TMC6: variants seen among roughly 807,000 people sequenced by gnomAD.
TMC6 encodes the protein transmembrane channel like 6, also known as transmembrane channel-like protein 6.
TMC6 carries 71 observed loss-of-function variants against 95.4 expected under a neutral mutation model. That is an observed-to-expected ratio of 0.74 (90% CI 0.61 to 0.91). The LOEUF is 0.91. TMC6 is among the 40% of genes least tolerant of loss of function. TMC6 has a pLI of 0.00. For synonymous variants in TMC6, 514 were observed against 483.1 expected (o/e 1.06, Z -0.84); for missense variants, 1,074 against 1,079.1 (o/e 1.00, Z 0.07).
chr17:78,132,156 C>T (rs576012699), upstream of TMC6: 36 of 1,447,292 alleles, frequency 2.5e-5, no homozygotes, highest in African/African-American at 4.2e-5. Flanking sequence ...GGCCCCTCCC[C>T]CCTCCCACCC....
rs557036475 is a variant in TMC6 at position 78,124,083 on chromosome 17, G to A, written c.988C>T (p.Pro330Ser). ...GSPLDGSQCT[P>S]RVGGLPYNMP... Reference sequence around the variant, plus strand: ...TTGTAGGGCAGGCCACCCACCCTGGGTGTGCACTGGCTGCCATCCAGGGGG... The same window carrying A: ...TTGTAGGGCAGGCCACCCACCCTGGATGTGCACTGGCTGCCATCCAGGGGG... Residue 330 changes from proline to serine, a missense_variant, in exon 9 of 20, where the codon CCC becomes TCC. Transcript: ENST00000590602. 13 of 1,613,332 alleles carry A rather than the reference G, an allele frequency of 8.1e-6. No individual in the cohort carries two copies. Among genetic ancestry groups the A allele is most frequent in the Non-Finnish European group, 1.1e-5 (13 of 1,179,980 alleles).
At chr17:78,124,414 CAG>C (rs2074588842) in intron 8 of TMC6, 108 bp downstream of exon 8, 1 of 1,545,358 alleles carries the variant, frequency 6.5e-7, no homozygotes, top group Non-Finnish European at 8.7e-7. Context: ...CCTGGAGTCA[CAG>C]CGGGGCAAGG....
chr17:78,114,246 C>G (rs1372273263), intron 18 of TMC6, among the ~76,000 whole-genome samples: 3 of 152,122 alleles, frequency 2.0e-5, no homozygotes, highest in African/African-American at 7.2e-5. Flanking sequence ...GCAGTGGCTG[C>G]TCAAGTCCTG....
rs768046228 is a variant in TMC6, at chr17:78,109,537, G to A, written c.*3611C>T. 12 of 456,478 alleles carry A rather than the reference G, an allele frequency of 2.6e-5. No individual in the cohort carries two copies. The highest frequency in any genetic ancestry group is 7.7e-5 in the South Asian group (5 of 64,562). The allele number at this position is 456,478 out of a possible 1,614,324, so 28.3% of individuals were successfully genotyped here. Reference sequence around the variant, plus strand: ...AAGCAGACACTCAGGAGGCTGAGGCGGGAGGATCACCTGAGCCCAGGAGGT... The same window carrying A: ...AAGCAGACACTCAGGAGGCTGAGGCAGGAGGATCACCTGAGCCCAGGAGGT... On this transcript the variant is annotated 3_prime_UTR_variant, in exon 20 of 20. Transcript: ENST00000590602.
chr17:78,131,776 G>T, upstream of TMC6: 2 of 1,556,474 alleles, frequency 1.3e-6, no homozygotes, highest in Non-Finnish European at 1.7e-6. Flanking sequence ...CGTGGGGGGG[G>T]TGCTGCGAGG....
At position 78,126,300 on chromosome 17, in the gene TMC6, G is replaced by A; in HGVS notation, c.248C>T (p.Ala83Val). Residue 83 changes from alanine (A) to valine (V), a missense_variant, in exon 4 of 20, where the codon GCC becomes GTC. Coordinates refer to ENST00000590602, the MANE Select transcript of TMC6 (RefSeq NM_001127198.5). ...ACCAATGGTGCGGCTGGGCATGCTGGCCAGGATGCGGAGTGTGGCCGTGCT... is the reference window on the plus strand; with the variant it reads ...ACCAATGGTGCGGCTGGGCATGCTGACCAGGATGCGGAGTGTGGCCGTGCT... ...TQSTATLRIL[A>V]SMPSRTIGRS... is the part of the protein sequence containing the mutation. 6.4e-7 allele frequency: 1 copy of A among 1,564,490 alleles called. No homozygotes were observed. Among genetic ancestry groups the A allele is most frequent in the Non-Finnish European group, 8.6e-7 (1 of 1,158,848 alleles).
upstream of TMC6, chr17:78,132,343 T>G: frequency 6.2e-7 from 1 of 1,607,248 alleles, no homozygotes; most frequent in Non-Finnish European, 8.5e-7. Context: ...TGACCCACCC[T>G]GCTCTCCCAC....
chr17:78,126,666 G>A lies in TMC6; in HGVS notation c.57-18C>T, dbSNP rs202180344. The stretch of plus-strand genomic sequence containing the variant: ...GGCCCTGGCTGCAGAGGGGGTTGGC[G>A]GGGGGGTCAGGCTCCAGCCACCTCT... On this transcript the variant is annotated intron_variant, in intron 2 of 19. Coordinates refer to ENST00000590602, the MANE Select transcript of TMC6 (RefSeq NM_001127198.5). 3.4e-4 allele frequency: 553 copies of A among 1,611,784 alleles called. 7 individuals carry two copies. The East Asian group carries it at 0.012, about 35-fold the overall frequency.
Position 78,121,067 on chromosome 17 carries a change from G to C in TMC6, c.1481C>G (p.Ala494Gly). The C allele has an allele frequency of 6.2e-7, 1 of 1,613,162 alleles. No individual in the cohort carries two copies. The highest frequency in any genetic ancestry group is 8.5e-7 in the Non-Finnish European group (1 of 1,179,982). ...CGGGGAGTCATGCGGCTCCAGGGCG[G>C]CCAGGACACGGCACAGGTAGGGGGC... Reference protein sequence around the residue: ...LGAPYLCRVLAALEPHDSPVL... With the variant: ...LGAPYLCRVLGALEPHDSPVL... Residue 494 changes from alanine to glycine, a missense_variant, in exon 12 of 20, where the codon GCC becomes GGC. Physicochemically the swap from Ala to Gly is moderately conservative, Grantham distance 60 (BLOSUM62 0). Coordinates refer to ENST00000590602, the MANE Select transcript of TMC6 (RefSeq NM_001127198.5). The surrounding 1 kb of genome is among the most constrained non-coding windows in gnomAD (Gnocchi z 5.6).
intron 9 of TMC6, 118 bp downstream of exon 9, chr17:78,123,871 G>A: frequency 1.5e-6 from 2 of 1,355,130 alleles, no homozygotes; most frequent in Non-Finnish European, 2.1e-6. Flanking sequence ...GTGGATGAGA[G>A]CAGACAGGTA....
Position 78,121,411 on chromosome 17 carries a change from G to A in TMC6, c.1383+145C>T. 7.0e-7 allele frequency: 1 copy of A among 1,435,040 alleles called. No homozygotes were observed. Among genetic ancestry groups the A allele is most frequent in the Non-Finnish European group, 9.5e-7 (1 of 1,047,440 alleles). The allele number at this position is 1,435,040 out of a possible 1,614,324, so 88.9% of individuals were successfully genotyped here. ...GGGCTGAGAAGTGGGGCTCGGAGGG[G>A]GCCCCAGCACGGGGCACAGCGTACG... On this transcript the variant is annotated intron_variant, in intron 11 of 19. Transcript: ENST00000590602. The surrounding 1 kb of genome is among the most constrained non-coding windows in gnomAD (Gnocchi z 5.6).
rs141813028 is a variant in TMC6, at chr17:78,112,972, T to A, written c.*176A>T. The A allele has an allele frequency of 4.0e-5, 27 of 681,976 alleles. No homozygotes were observed. In the East Asian group the frequency reaches 5.2e-4, roughly 13 times the overall value. The allele number at this position is 681,976 out of a possible 1,614,324, so 42.2% of individuals were successfully genotyped here. Reference sequence around the variant, plus strand: ...AAATAGAGTCCCAGGCAGGGCAGAGTTCATTGGGGATGCCCAAGCCGGATT... The same window carrying A: ...AAATAGAGTCCCAGGCAGGGCAGAGATCATTGGGGATGCCCAAGCCGGATT... On this transcript the variant is annotated 3_prime_UTR_variant, in exon 20 of 20. Coordinates refer to ENST00000590602, the MANE Select transcript of TMC6 (RefSeq NM_001127198.5).
rs1173247232 is a variant in TMC6 at position 78,121,418 on chromosome 17, G to A, written c.1383+138C>T. Reference sequence around the variant, plus strand: ...GAAGTGGGGCTCGGAGGGGGCCCCAGCACGGGGCACAGCGTACGTGGCACC... The same window carrying A: ...GAAGTGGGGCTCGGAGGGGGCCCCAACACGGGGCACAGCGTACGTGGCACC... On this transcript the variant is annotated intron_variant, in intron 11 of 19. Transcript: ENST00000590602. This position sits in a 1 kb window ranked among gnomAD's most constrained non-coding sequence, Gnocchi z 5.6. 4 of 1,469,542 alleles carry A rather than the reference G, an allele frequency of 2.7e-6. No homozygotes were observed. The South Asian group carries it at 4.8e-5, about 18-fold the overall frequency. 91.0% of individuals were successfully genotyped at this position (1,469,542 alleles called of 1,614,324 possible).
At position 78,117,678 on chromosome 17, in the gene TMC6, G is replaced by C; in HGVS notation, c.2022-34C>G. The C allele has an allele frequency of 3.9e-6, 6 of 1,555,868 alleles. No homozygotes were observed. In the South Asian group the frequency reaches 7.1e-5, roughly 18 times the overall value. ...GATGCCGACCAGGAACCCTCACCCCGAGCAACAGTTCACCCGGCTCCCTCC... is the reference window on the plus strand; with the variant it reads ...GATGCCGACCAGGAACCCTCACCCCCAGCAACAGTTCACCCGGCTCCCTCC... On this transcript the variant is annotated intron_variant, in intron 16 of 19. Coordinates refer to ENST00000590602, the MANE Select transcript of TMC6 (RefSeq NM_001127198.5).
In TMC6 at chr17:78,109,324, C is replaced by T. The variant is rs768073940; in HGVS notation, c.*3824G>A. ...CAGTGGGGCATCCCGAGAAGATCCT[C>T]TGCAGGAGTGCGGTGTCTACGGATG... is the stretch of plus-strand genomic sequence containing the variant. On this transcript the variant is annotated 3_prime_UTR_variant, in exon 20 of 20. Coordinates refer to ENST00000590602, the MANE Select transcript of TMC6 (RefSeq NM_001127198.5). 2.3e-5 allele frequency: 9 copies of T among 389,302 alleles called. No individual in the cohort carries two copies. Among genetic ancestry groups the T allele is most frequent in the African/African-American group, 1.7e-4 (8 of 47,608 alleles). The allele number at this position is 389,302 out of a possible 1,614,324, so 24.1% of individuals were successfully genotyped here.
rs760080078 is a variant in TMC6 at position 78,117,312 on chromosome 17, C to T, written c.2234G>A (p.Gly745Asp). The T allele has an allele frequency of 1.8e-5, 29 of 1,613,506 alleles. No individual in the cohort carries two copies. Among genetic ancestry groups the T allele is most frequent in the Non-Finnish European group, 2.4e-5 (28 of 1,179,996 alleles). Residue 745 changes from glycine (G) to aspartate (D), a missense_variant, in exon 18 of 20, where the codon GGC becomes GAC. By Grantham distance (94) the Gly-to-Asp change is moderately conservative (BLOSUM62 -1). Transcript: ENST00000590602. ...VIYLNIQVVR[G>D]QRKVICLLKE... ...GAGCAGGCAGATGACCTTGCGCTGG[C>T]CCCGCACCACCTGGATGTTGAGGTA...
chr17:78,128,318 C>A lies in TMC6; in HGVS notation c.-75+294G>T, dbSNP rs2074841139. 6.6e-6 allele frequency among the ~76,000 whole-genome samples: 1 copy of A among 152,000 alleles called. No homozygotes were observed. The highest frequency in any genetic ancestry group is 2.4e-5 in the African/African-American group (1 of 41,392). ...CCGGCCTCCCTGTCCCCCGCCCCTT[C>A]CCATCCCGGCCACACCCCCTCCCCT... On this transcript the variant is annotated intron_variant, in intron 1 of 19. Coordinates refer to ENST00000590602, the MANE Select transcript of TMC6 (RefSeq NM_001127198.5). The surrounding 1 kb of genome is among the most constrained non-coding windows in gnomAD (Gnocchi z 4.0).
intron 4 of TMC6, 128 bp downstream of exon 4, chr17:78,126,148 TG>T: frequency 7.4e-7 from 1 of 1,350,338 alleles, no homozygotes; most frequent in Non-Finnish European, 1.0e-6. Context: ...GAGCCCGCCC[TG>T]GGCCTGGCTC....
In TMC6 at chr17:78,109,654, G is replaced by GT. The variant is rs1225445437; in HGVS notation, c.*3493_*3494insA. 1 of 428,726 alleles carries GT rather than the reference G, an allele frequency of 2.3e-6. No homozygotes were observed. Among genetic ancestry groups the GT allele is most frequent in the South Asian group, 1.7e-5 (1 of 58,532 alleles). The allele number at this position is 428,726 out of a possible 1,614,324, so 26.6% of individuals were successfully genotyped here. On this transcript the variant is annotated 3_prime_UTR_variant, in exon 20 of 20. Coordinates refer to ENST00000590602, the MANE Select transcript of TMC6 (RefSeq NM_001127198.5). ...AAAAAAGCAGAAGCACATTTCCGAA[G>GT]CCCCCCAAGCCCACGGGCGTGAGTG... is the stretch of plus-strand genomic sequence containing the variant.
Sources: gnomAD v4.1 joint callset for allele counts (sites outside exome capture counted in the v4.1 genomes callset) on GRCh38, gnomAD v4.1.1 for gene constraint, Gnocchi (gnomAD v3.1) non-coding constraint, MANE v1.5 for transcripts, NCBI Gene and HGNC (gene_info 2026-07-23, HGNC 2026-07-21) for gene names.